The following PLS1 variants were observed in gnomAD, a reference collection of about 807,000 sequenced individuals.
The protein encoded by PLS1 is plastin-1.
In PLS1, 32 loss-of-function variants were observed where a neutral mutation model predicts 73.7. The observed-to-expected ratio is 0.43, with a 90% CI of 0.33 to 0.58. PLS1 has a LOEUF of 0.58. Among genes scored for constraint, PLS1 ranks in the 20% least tolerant of loss-of-function variants. The pLI is 0.04. For synonymous variants in PLS1, 217 were observed against 261.3 expected (o/e 0.83, Z 1.63); for missense variants, 633 against 740.5 (o/e 0.85, Z 1.68).
intron 1 of PLS1, among the ~76,000 whole-genome samples, chr3:142,639,838 C>CT (rs1457953335): frequency 2.0e-5 from 3 of 152,122 alleles, no homozygotes; most frequent in African/African-American, 7.2e-5. Context: ...GAGAATAAAT[C>CT]TAATATTTTT....
chr3:142,697,497 A>G (rs1577905575), intron 11 of PLS1, among the ~76,000 whole-genome samples: 1 of 152,180 alleles, frequency 6.6e-6, no homozygotes, highest in African/African-American at 2.4e-5. Flanking sequence ...TCCTTAGCAT[A>G]TATAGGTACA....
intron 10 of PLS1, among the ~76,000 whole-genome samples, chr3:142,692,495 T>C (rs1386470877): frequency 6.6e-6 from 1 of 152,160 alleles, no homozygotes; most frequent in East Asian, 1.9e-4. Context: ...ATAGTGCCTC[T>C]AGCTTTGAGC....
intron 1 of PLS1, among the ~76,000 whole-genome samples, chr3:142,656,109 A>AT (rs1442890602): frequency 1.3e-5 from 2 of 152,124 alleles, no homozygotes; most frequent in Non-Finnish European, 2.9e-5. Flanking sequence ...TTATAGGTGC[A>AT]TGCCATCAGG....
chr3:142,695,524 G>A (rs1215174810), intron 11 of PLS1, among the ~76,000 whole-genome samples: 2 of 152,064 alleles, frequency 1.3e-5, no homozygotes, highest in Non-Finnish European at 2.9e-5. Flanking sequence ...CAGTAGCAGG[G>A]AAGTTAAAAC....
intron 1 of PLS1, among the ~76,000 whole-genome samples, chr3:142,615,224 T>A (rs2036195138): frequency 6.6e-6 from 1 of 152,194 alleles, no homozygotes; most frequent in South Asian, 2.1e-4. Flanking sequence ...AGAGAAGTGA[T>A]GTAGGCTGAA....
chr3:142,679,594 C>T (rs1027994638), intron 6 of PLS1, among the ~76,000 whole-genome samples: 91 of 152,168 alleles, frequency 6.0e-4, no homozygotes, highest in Middle Eastern at 3.4e-3. Flanking sequence ...AGATATGCGG[C>T]GTTATTTCTG....
At chr3:142,625,899 A>G (rs1447310171) in intron 1 of PLS1, among the ~76,000 whole-genome samples, 1 of 152,170 alleles carries the variant, frequency 6.6e-6, no homozygotes, top group African/African-American at 2.4e-5. Flanking sequence ...GATTGAGCCC[A>G]GGAGTTCGAG....
intron 1 of PLS1, among the ~76,000 whole-genome samples, chr3:142,616,715 G>A (rs1345235428): frequency 2.6e-5 from 4 of 152,070 alleles, no homozygotes; most frequent in Non-Finnish European, 5.9e-5. Flanking sequence ...CGATTCTCCT[G>A]TCTCAGCCTC....
intron 6 of PLS1, among the ~76,000 whole-genome samples, chr3:142,683,110 C>T (rs576825088): frequency 6.6e-6 from 1 of 152,322 alleles, no homozygotes; most frequent in South Asian, 2.1e-4. Context: ...ATTCACTATG[C>T]TTTGAGAACC....
intron 4 of PLS1, among the ~76,000 whole-genome samples, chr3:142,675,183 A>G (rs1302527118): frequency 6.6e-6 from 1 of 151,970 alleles, no homozygotes; most frequent in African/African-American, 2.4e-5. Context: ...TTGCCATGGT[A>G]TTTGTTTCTT....
At chr3:142,653,859 A>G (rs2037158247) in intron 1 of PLS1, among the ~76,000 whole-genome samples, 1 of 152,236 alleles carries the variant, frequency 6.6e-6, no homozygotes, top group Non-Finnish European at 1.5e-5. Context: ...AGTTTAAATT[A>G]AACTTTTCAG....
intron 1 of PLS1, among the ~76,000 whole-genome samples, chr3:142,607,012 G>A (rs1252769779): frequency 5.3e-5 from 8 of 152,092 alleles, no homozygotes; most frequent in Non-Finnish European, 1.0e-4. Flanking sequence ...CTGCCAAACC[G>A]TTTTCTGGAG....
At chr3:142,701,122 C>G (rs1351361611) in intron 12 of PLS1, among the ~76,000 whole-genome samples, 1 of 152,206 alleles carries the variant, frequency 6.6e-6, no homozygotes, top group Non-Finnish European at 1.5e-5. Context: ...CTCTGTGAGA[C>G]TGCACTCCAA....
rs199922743 is a variant in PLS1 at position 142,669,579 on chromosome 3, A to G, written c.234+26A>G. On this transcript the variant is annotated intron_variant, in intron 3 of 15. Coordinates refer to ENST00000457734, the MANE Select transcript of PLS1 (RefSeq NM_001145319.2). Reference sequence around the variant, plus strand: ...GTAAGTAATCTAATCCTTTCGGGCTACTGATAATCTTGCTTAGAGCAGAAT... The same window carrying G: ...GTAAGTAATCTAATCCTTTCGGGCTGCTGATAATCTTGCTTAGAGCAGAAT... The G allele has an allele frequency of 3.6e-5, 57 of 1,570,530 alleles. No individual in the cohort carries two copies. The African/African-American group carries it at 7.3e-4, about 20-fold the overall frequency.
intron 11 of PLS1, among the ~76,000 whole-genome samples, chr3:142,696,266 G>T (rs1443452274): frequency 6.6e-6 from 1 of 152,144 alleles, no homozygotes; most frequent in Non-Finnish European, 1.5e-5. Context: ...CACTGACAGT[G>T]GAGAAAAGAA....
At chr3:142,638,158 G>A (rs1452129818) in intron 1 of PLS1, among the ~76,000 whole-genome samples, 1 of 152,128 alleles carries the variant, frequency 6.6e-6, no homozygotes, top group Non-Finnish European at 1.5e-5. Flanking sequence ...GCAATCTCCT[G>A]AAAGAGGCAA....
intron 1 of PLS1, among the ~76,000 whole-genome samples, chr3:142,610,173 T>G (rs2108545535): frequency 6.6e-6 from 1 of 152,322 alleles, no homozygotes; most frequent in South Asian, 2.1e-4. Flanking sequence ...CCAGGTACTC[T>G]AAGTGTTTTA....
chr3:142,697,072 T>C (rs910867828), intron 11 of PLS1, among the ~76,000 whole-genome samples: 6 of 152,152 alleles, frequency 3.9e-5, no homozygotes, highest in Non-Finnish European at 8.8e-5. Flanking sequence ...CCATATAATA[T>C]ATCACAAAGC....
At chr3:142,605,885 G>A (rs1213498244) in intron 1 of PLS1, among the ~76,000 whole-genome samples, 1 of 152,174 alleles carries the variant, frequency 6.6e-6, no homozygotes, top group Non-Finnish European at 1.5e-5. Context: ...CATCTGGAAT[G>A]TGTAGGATAA....
Sources: allele counts gnomAD v4.1 joint callset (sites outside exome capture counted in the v4.1 genomes callset), GRCh38; gene constraint gnomAD v4.1.1; transcripts MANE v1.5; gene names NCBI Gene and HGNC (gene_info 2026-07-23, HGNC 2026-07-21).